The following TWIST2 variants were observed in gnomAD, a reference collection of about 807,000 sequenced individuals.
TWIST2 encodes twist family bHLH transcription factor 2.
In TWIST2, 1 loss-of-function variant was observed where a neutral mutation model predicts 11.6. The ratio of observed to expected loss-of-function variants is 0.09; its 90% CI spans 0.03 to 0.41. The LOEUF is 0.41. TWIST2 is among the 10% of genes least tolerant of loss of function. TWIST2 has a pLI of 0.98. For missense variants in TWIST2, 168 were observed against 226.4 expected, an observed-to-expected ratio of 0.74 and a Z score of 1.66; for synonymous variants, 87 against 96.6, an observed-to-expected ratio of 0.90 and a Z score of 0.58.
chr2:238,868,149 G>A (rs1425069655), intron 1 of TWIST2, among the ~76,000 whole-genome samples: 1 of 152,208 alleles, frequency 6.6e-6, no homozygotes, highest in Non-Finnish European at 1.5e-5. Context: ...CCCGTGCCCT[G>A]GGTTCCCTCT....
chr2:238,870,724 T>C (rs1574754928), intron 1 of TWIST2, among the ~76,000 whole-genome samples: 1 of 16,408 alleles, frequency 6.1e-5, no homozygotes, highest in Non-Finnish European at 1.0e-4. Context: ...ACACATCACA[T>C]ACCACACACA....
chr2:238,865,308 G>A (rs1692511570), intron 1 of TWIST2, among the ~76,000 whole-genome samples: 1 of 152,178 alleles, frequency 6.6e-6, no homozygotes, highest in Non-Finnish European at 1.5e-5. Flanking sequence ...TACTGAGTCG[G>A]GTCATTATGT....
chr2:238,910,211 TA>T lies in TWIST2; in HGVS notation c.*406del, dbSNP rs2106377796. 6.6e-6 allele frequency: 1 copy of T among 152,294 alleles called. No homozygotes were observed. The highest frequency in any genetic ancestry group is 1.9e-4 in the East Asian group (1 of 5,190). 9.4% of individuals were successfully genotyped at this position (152,294 alleles called of 1,614,324 possible). On this transcript the variant is annotated 3_prime_UTR_variant, in exon 2 of 2. Transcript: ENST00000612363. ...CCCTCTAAGTGCCTTTTTTAATGTC[TA>T]TTTTTTTAATAAAACAGAAATGCAT...
At chr2:238,855,071 A>G (rs1343891692) in intron 1 of TWIST2, among the ~76,000 whole-genome samples, 3 of 152,154 alleles carry the variant, frequency 2.0e-5, no homozygotes, top group African/African-American at 7.2e-5. Flanking sequence ...TCAGACTTTT[A>G]GCTCGGCGGA....
At chr2:238,852,505 A>G (rs139936702) in intron 1 of TWIST2, among the ~76,000 whole-genome samples, 3,358 of 152,312 alleles carry the variant, frequency 0.022, 109 homozygotes, top group African/African-American at 0.076. Context: ...GGACTGGAAA[A>G]CCATAAAGGA....
intron 1 of TWIST2, among the ~76,000 whole-genome samples, chr2:238,873,801 A>C (rs1454866790): frequency 1.3e-5 from 2 of 152,152 alleles, no homozygotes; most frequent in Non-Finnish European, 2.9e-5. Context: ...TCGATACCAG[A>C]AACAAAATAA....
In TWIST2 at chr2:238,874,815, GA is replaced by G. The variant is rs370495453; in HGVS notation, c.*35+26083del. Among the ~76,000 whole-genome samples the G allele has an allele frequency of 2.0e-4, 31 of 152,256 alleles. No individual in the cohort carries two copies. The South Asian group carries it at 6.0e-3, about 30-fold the overall frequency. On this transcript the variant is annotated intron_variant, in intron 1 of 1. Coordinates refer to ENST00000612363, the MANE Select transcript of TWIST2 (RefSeq NM_001271893.4). ...GTGTGCACCTGTGATTCAGGTAGGA[GA>G]GGGGCCTGGGCTCCCCAGGGTACTT... is the stretch of plus-strand genomic sequence containing the variant.
At chr2:238,854,500 G>A (rs749132051) in intron 1 of TWIST2, among the ~76,000 whole-genome samples, 1 of 152,178 alleles carries the variant, frequency 6.6e-6, no homozygotes, top group Non-Finnish European at 1.5e-5. Flanking sequence ...GAGTCTTTCC[G>A]GAGCACCAGG....
intron 1 of TWIST2, among the ~76,000 whole-genome samples, chr2:238,870,531 A>C (rs1478973554): frequency 2.1e-5 from 2 of 95,484 alleles, no homozygotes; most frequent in African/African-American, 4.2e-5. Context: ...CAAACCACAC[A>C]CCCTACATAC....
chr2:238,855,907 GC>G (rs1692321279), intron 1 of TWIST2, among the ~76,000 whole-genome samples: 1 of 152,108 alleles, frequency 6.6e-6, no homozygotes. Flanking sequence ...TCCTTCGTGG[GC>G]TCATGTTACT....
rs1047307396 is a variant in TWIST2, at chr2:238,866,810, G to A, written c.*35+18077G>A. Among the ~76,000 whole-genome samples the A allele has an allele frequency of 2.0e-5, 3 of 152,140 alleles. No individual in the cohort carries two copies. Among genetic ancestry groups the A allele is most frequent in the African/African-American group, 7.2e-5 (3 of 41,426 alleles). On this transcript the variant is annotated intron_variant, in intron 1 of 1. Coordinates refer to ENST00000612363, the MANE Select transcript of TWIST2 (RefSeq NM_001271893.4). This position sits in a 1 kb window ranked among gnomAD's most constrained non-coding sequence, Gnocchi z 4.9. Reference sequence around the variant, plus strand: ...CCTGCTGGCATTTGTGGTGACTCCTGAGGCCTCGTATATCCCCTAGCGGCC... The same window carrying A: ...CCTGCTGGCATTTGTGGTGACTCCTAAGGCCTCGTATATCCCCTAGCGGCC...
intron 1 of TWIST2, among the ~76,000 whole-genome samples, chr2:238,896,094 C>T (rs1182857665): frequency 6.6e-6 from 1 of 152,178 alleles, no homozygotes; most frequent in Non-Finnish European, 1.5e-5. Context: ...AGCAGGATTC[C>T]TCCTTCTCAG....
At chr2:238,904,442 TG>T (rs1693317592) in intron 1 of TWIST2, among the ~76,000 whole-genome samples, 1 of 151,266 alleles carries the variant, frequency 6.6e-6, no homozygotes, top group South Asian at 2.1e-4. Flanking sequence ...GTGTGTGATG[TG>T]GGGTATGTGT....
intron 1 of TWIST2, among the ~76,000 whole-genome samples, chr2:238,859,507 A>G (rs1692392127): frequency 6.6e-6 from 1 of 152,036 alleles, no homozygotes; most frequent in Non-Finnish European, 1.5e-5. Flanking sequence ...TGTATGCACT[A>G]AATTCCACTA....
intron 1 of TWIST2, among the ~76,000 whole-genome samples, chr2:238,907,496 C>T (rs1196539892): frequency 6.6e-6 from 1 of 152,106 alleles, no homozygotes; most frequent in Admixed American, 6.5e-5. Flanking sequence ...GCTCCCGGGA[C>T]AGCTGGTTGC....
In TWIST2 at chr2:238,895,708, G is replaced by T. The variant is rs972934005; in HGVS notation, c.*36-14134G>T. Among the ~76,000 whole-genome samples, 78 of 152,316 alleles carry T rather than the reference G, an allele frequency of 5.1e-4. 1 individual carries two copies. Among genetic ancestry groups the T allele is most frequent in the African/African-American group, 1.7e-3 (71 of 41,574 alleles). ...GAAGAGGGTGGGGTAGATCCTGACGGACCGGTCAGACTCTGCGGCCTCAGC... is the reference window on the plus strand; with the variant it reads ...GAAGAGGGTGGGGTAGATCCTGACGTACCGGTCAGACTCTGCGGCCTCAGC... On this transcript the variant is annotated intron_variant, in intron 1 of 1. Coordinates refer to ENST00000612363, the MANE Select transcript of TWIST2 (RefSeq NM_001271893.4).
rs944045897 is a variant in TWIST2, at chr2:238,895,743, G to T, written c.*36-14099G>T. On this transcript the variant is annotated intron_variant, in intron 1 of 1. Coordinates refer to ENST00000612363, the MANE Select transcript of TWIST2 (RefSeq NM_001271893.4). Reference sequence around the variant, plus strand: ...ACTCTGCGGCCTCAGCCCCGGTAGAGCCCGCCCTGGAGAGCCTGGGGGTTG... The same window carrying T: ...ACTCTGCGGCCTCAGCCCCGGTAGATCCCGCCCTGGAGAGCCTGGGGGTTG... Among the ~76,000 whole-genome samples the T allele has an allele frequency of 4.1e-3, 628 of 152,346 alleles. 6 individuals are homozygous for T. The highest frequency in any genetic ancestry group is 0.022 in the South Asian group (107 of 4,832).
intron 1 of TWIST2, among the ~76,000 whole-genome samples, chr2:238,886,586 C>CG (rs1304631791): frequency 3.3e-5 from 5 of 151,392 alleles, no homozygotes; most frequent in African/African-American, 1.2e-4. Flanking sequence ...TCTGGAGCCC[C>CG]GGGGGCATGG....
intron 1 of TWIST2, among the ~76,000 whole-genome samples, chr2:238,897,192 C>T (rs1250073809): frequency 5.9e-5 from 9 of 152,248 alleles, no homozygotes; most frequent in African/African-American, 2.2e-4. Context: ...GGTATCCCTG[C>T]GTTCCTCCTG....
Sources: allele counts gnomAD v4.1 joint callset (sites outside exome capture counted in the v4.1 genomes callset), GRCh38; gene constraint gnomAD v4.1.1; non-coding constraint Gnocchi (gnomAD v3.1); transcripts MANE v1.5; gene names NCBI Gene and HGNC (gene_info 2026-07-23, HGNC 2026-07-21).